NDST3: variants seen among roughly 807,000 people sequenced by gnomAD.
The protein encoded by NDST3 is N-deacetylase and N-sulfotransferase 3.
Under a neutral mutation model 96.1 loss-of-function variants are expected in NDST3, and 58 were observed. The observed-to-expected ratio is 0.60, with a 90% CI of 0.49 to 0.75. NDST3 has a LOEUF of 0.75. Ranked by LOEUF, NDST3 falls within the 30% of genes least tolerant of loss-of-function variation. The pLI, the probability that NDST3 is intolerant of heterozygous loss-of-function variation, is 0.00. For missense variants in NDST3, 788 were observed against 1,034.2 expected (o/e 0.76, Z 3.27); for synonymous variants, 333 against 359.7 (o/e 0.93, Z 0.84).
At chr4:118,099,994 C>G (rs576613870) in intron 2 of NDST3, among the ~76,000 whole-genome samples, 2 of 151,972 alleles carry the variant, frequency 1.3e-5, no homozygotes, top group Non-Finnish European at 2.9e-5. Flanking sequence ...AGTGGGTAAA[C>G]ATTACTAGTT....
At chr4:118,180,545 C>T (rs1376837143) in intron 6 of NDST3, among the ~76,000 whole-genome samples, 4 of 152,072 alleles carry the variant, frequency 2.6e-5, no homozygotes, top group Non-Finnish European at 4.4e-5. Context: ...CAAAATAACC[C>T]ACTAAATGCC....
In NDST3 at chr4:118,252,543, A is replaced by C. The variant is rs189447665; in HGVS notation, c.2400-956A>C. Reference sequence around the variant, plus strand: ...AAGAGTTATATGAAATATTTTGGTAAGATAAAATGTGTATTTTAATGTGCT... The same window carrying C: ...AAGAGTTATATGAAATATTTTGGTACGATAAAATGTGTATTTTAATGTGCT... On this transcript the variant is annotated intron_variant, in intron 12 of 13. Transcript: ENST00000296499. Among the ~76,000 whole-genome samples the C allele has an allele frequency of 5.3e-5, 8 of 152,366 alleles. No homozygotes were observed. The East Asian group carries it at 1.5e-3, about 29-fold the overall frequency.
chr4:118,050,337 A>G (rs1725006925), intron 1 of NDST3, among the ~76,000 whole-genome samples: 1 of 151,998 alleles, frequency 6.6e-6, no homozygotes, highest in South Asian at 2.1e-4. Context: ...AAGGATGCCC[A>G]CCCTCACCAC....
chr4:118,142,262 A>T (rs1380694507), intron 5 of NDST3, among the ~76,000 whole-genome samples: 1 of 151,912 alleles, frequency 6.6e-6, no homozygotes, highest in Non-Finnish European at 1.5e-5. Context: ...GCTTCTAAGG[A>T]TATAACTTCT....
At chr4:118,084,162 A>G (rs1728232754) in intron 2 of NDST3, among the ~76,000 whole-genome samples, 1 of 152,188 alleles carries the variant, frequency 6.6e-6, no homozygotes, top group Non-Finnish European at 1.5e-5. Flanking sequence ...ACTACAGCTA[A>G]TAAAATTGTA....
intron 2 of NDST3, among the ~76,000 whole-genome samples, chr4:118,096,791 C>T (rs1729354045): frequency 6.6e-6 from 1 of 151,872 alleles, no homozygotes; most frequent in African/African-American, 2.4e-5. Context: ...AGGCAGCAAG[C>T]TGGAGATCCA....
intron 4 of NDST3, among the ~76,000 whole-genome samples, chr4:118,116,091 T>C (rs1187779961): frequency 6.6e-6 from 1 of 152,190 alleles, no homozygotes; most frequent in African/African-American, 2.4e-5. Flanking sequence ...ATAAGCAGCA[T>C]GTAAAATTGG....
At chr4:118,093,662 T>C (rs893922247) in intron 2 of NDST3, among the ~76,000 whole-genome samples, 8 of 151,926 alleles carry the variant, frequency 5.3e-5, no homozygotes, top group Non-Finnish European at 7.4e-5. Flanking sequence ...TTATCGTATC[T>C]AATCTGCTAT....
Position 118,157,508 on chromosome 4 carries a change from C to T in NDST3, c.1539+13824C>T, listed in dbSNP as rs529034502. 2.4e-3 allele frequency among the ~76,000 whole-genome samples: 367 copies of T among 151,486 alleles called. 3 individuals carry two copies. The highest frequency in any genetic ancestry group is 7.9e-3 in the African/African-American group (328 of 41,264). ...TGGCGTGATCTCAGCTCACTGCCTC[C>T]GCCTCCCAGGTAGCAGCGATTCTCC... On this transcript the variant is annotated intron_variant, in intron 6 of 13. Coordinates refer to ENST00000296499, the MANE Select transcript of NDST3 (RefSeq NM_004784.3).
chr4:118,057,231 T>G (rs897590689), intron 2 of NDST3, among the ~76,000 whole-genome samples: 2 of 152,014 alleles, frequency 1.3e-5, no homozygotes, highest in East Asian at 3.9e-4. Flanking sequence ...ATTTTTGGCA[T>G]AGGTTGATAA....
intron 11 of NDST3, among the ~76,000 whole-genome samples, chr4:118,240,918 C>T (rs1335579138): frequency 6.6e-6 from 1 of 152,112 alleles, no homozygotes; most frequent in African/African-American, 2.4e-5. Flanking sequence ...GCGTACCTTT[C>T]CTGATTGTAA....
chr4:118,169,721 G>A (rs1301544928), intron 6 of NDST3, among the ~76,000 whole-genome samples: 1 of 151,712 alleles, frequency 6.6e-6, no homozygotes, highest in African/African-American at 2.4e-5. Flanking sequence ...TTGAACCCAG[G>A]AGGCGGAGGT....
chr4:118,211,739 G>A (rs941806085), intron 6 of NDST3, among the ~76,000 whole-genome samples: 3 of 152,236 alleles, frequency 2.0e-5, no homozygotes, highest in African/African-American at 2.4e-5. Flanking sequence ...TTTTTAAGGC[G>A]CTTGGACTTT....
At chr4:118,174,319 A>C (rs1390402489) in intron 6 of NDST3, among the ~76,000 whole-genome samples, 1 of 152,218 alleles carries the variant, frequency 6.6e-6, no homozygotes, top group Non-Finnish European at 1.5e-5. Context: ...AAAATAAAAA[A>C]GGAGCTCAAG....
chr4:118,115,902 T>A (rs1424469723), intron 4 of NDST3, among the ~76,000 whole-genome samples: 1 of 152,182 alleles, frequency 6.6e-6, no homozygotes, highest in East Asian at 1.9e-4. Flanking sequence ...TCTTTTAGCT[T>A]CAATCTACTC....
rs79372441 is a variant in NDST3 at position 118,250,343 on chromosome 4, A to T, written c.2400-3156A>T. ...GTCTTTGCCAACATGGGATATTTTT[A>T]AAATCAGTCATTCTACTGAGTGTAC... On this transcript the variant is annotated intron_variant, in intron 12 of 13. Coordinates refer to ENST00000296499, the MANE Select transcript of NDST3 (RefSeq NM_004784.3). Among the ~76,000 whole-genome samples, 20 of 152,362 alleles carry T rather than the reference A, an allele frequency of 1.3e-4. No individual in the cohort carries two copies. The East Asian group carries it at 3.9e-3, about 29-fold the overall frequency.
intron 6 of NDST3, among the ~76,000 whole-genome samples, chr4:118,184,335 T>A (rs1205365248): frequency 6.6e-6 from 1 of 152,086 alleles, no homozygotes; most frequent in African/African-American, 2.4e-5. Context: ...CAGTAGCCTA[T>A]GAGTAAAGCA....
At chr4:118,110,435 T>C (rs1055091133) in intron 3 of NDST3, among the ~76,000 whole-genome samples, 1 of 152,152 alleles carries the variant, frequency 6.6e-6, no homozygotes, top group African/African-American at 2.4e-5. Context: ...CCTCTCCAAA[T>C]GTCAATTCCC....
intron 2 of NDST3, among the ~76,000 whole-genome samples, chr4:118,069,036 A>G (rs1387720005): frequency 1.3e-5 from 2 of 152,098 alleles, no homozygotes; most frequent in African/African-American, 2.4e-5. Context: ...AGTAATTCCA[A>G]TAAGTGGATG....
Sources: gnomAD v4.1 joint callset for allele counts (sites outside exome capture counted in the v4.1 genomes callset) on GRCh38, gnomAD v4.1.1 for gene constraint, MANE v1.5 for transcripts, NCBI Gene and HGNC (gene_info 2026-07-23, HGNC 2026-07-21) for gene names.